Variants in THSD4 observed in about 807,000 individuals in gnomAD.
THSD4 encodes thrombospondin type 1 domain containing 4.
A neutral mutation model predicts 119.0 loss-of-function variants in THSD4; 69 were observed. The observed-to-expected ratio is 0.58, with a 90% CI of 0.48 to 0.71. The LOEUF (loss-of-function observed/expected upper bound fraction) is 0.71. THSD4 is among the 30% of genes least tolerant of loss of function. THSD4 has a pLI of 0.00. For synonymous variants in THSD4, 524 were observed against 540.4 expected, an observed-to-expected ratio of 0.97 and a Z score of 0.42; for missense variants, 1,393 against 1,391.1, an observed-to-expected ratio of 1.00 and a Z score of -0.02.
chr15:71,768,279 A>G (rs1178533447), intron 16 of THSD4, among the ~76,000 whole-genome samples: 1 of 151,824 alleles, frequency 6.6e-6, no homozygotes, highest in East Asian at 1.9e-4. Flanking sequence ...AAAAAAACCA[A>G]AAAAAAACCC....
At chr15:71,634,270 C>T (rs1036591807) in intron 7 of THSD4, among the ~76,000 whole-genome samples, 1 of 151,980 alleles carries the variant, frequency 6.6e-6, no homozygotes, top group Non-Finnish European at 1.5e-5. Context: ...GGTGGGATTG[C>T]ATAAGTAAAG....
intron 7 of THSD4, chr15:71,547,393 T>A: frequency 6.5e-7 from 1 of 1,550,322 alleles, no homozygotes; most frequent in Non-Finnish European, 8.7e-7. Context: ...CTAGGGTAGT[T>A]CTAACTTTGG....
intron 8 of THSD4, among the ~76,000 whole-genome samples, chr15:71,665,877 C>T (rs891946147): frequency 6.6e-6 from 1 of 152,114 alleles, no homozygotes; most frequent in Non-Finnish European, 1.5e-5. Flanking sequence ...TGTTTTTGTA[C>T]CAGTACCACT....
intron 6 of THSD4, among the ~76,000 whole-genome samples, chr15:71,347,985 G>T (rs991473164): frequency 7.2e-5 from 11 of 152,126 alleles, no homozygotes; most frequent in Non-Finnish European, 1.5e-4. Context: ...AATACCCATG[G>T]GTCTATCCCT....
At chr15:71,232,809 A>G (rs999163764) in intron 4 of THSD4, among the ~76,000 whole-genome samples, 3 of 152,240 alleles carry the variant, frequency 2.0e-5, no homozygotes, top group African/African-American at 7.2e-5. Flanking sequence ...TTTTCTAGGC[A>G]GAAATGAGCC....
intron 7 of THSD4, among the ~76,000 whole-genome samples, chr15:71,605,529 G>A (rs977398687): frequency 6.6e-6 from 1 of 152,216 alleles, no homozygotes; most frequent in Admixed American, 6.5e-5. Flanking sequence ...TGAGGGGGAA[G>A]ATGGCTTGGA....
At chr15:71,678,094 G>A (rs2051689831) in intron 8 of THSD4, among the ~76,000 whole-genome samples, 1 of 152,146 alleles carries the variant, frequency 6.6e-6, no homozygotes, top group Admixed American at 6.5e-5. Context: ...TTATCTGCAA[G>A]TCCAATGTGG....
intron 6 of THSD4, among the ~76,000 whole-genome samples, chr15:71,384,039 C>G (rs2046262102): frequency 6.6e-6 from 1 of 152,138 alleles, no homozygotes; most frequent in Non-Finnish European, 1.5e-5. Flanking sequence ...TGTTTCTTAG[C>G]TAAAATTACT....
intron 7 of THSD4, among the ~76,000 whole-genome samples, chr15:71,590,258 T>G (rs1374175570): frequency 7.2e-6 from 1 of 138,770 alleles, no homozygotes; most frequent in Non-Finnish European, 1.6e-5. Context: ...CAGCAGAATT[T>G]CAGAATGGCA....
intron 7 of THSD4, among the ~76,000 whole-genome samples, chr15:71,651,065 A>G (rs1259665155): frequency 3.3e-5 from 5 of 152,212 alleles, no homozygotes; most frequent in African/African-American, 7.2e-5. Context: ...ATGAGTATCA[A>G]GATCTATGCT....
intron 3 of THSD4, among the ~76,000 whole-genome samples, chr15:71,157,863 C>T (rs777169221): frequency 3.9e-5 from 6 of 151,934 alleles, no homozygotes; most frequent in Non-Finnish European, 8.8e-5. Context: ...ATATACACCA[C>T]ATTTTCTTTT....
chr15:71,714,477 A>C (rs886462445), intron 8 of THSD4, among the ~76,000 whole-genome samples: 3 of 152,208 alleles, frequency 2.0e-5, no homozygotes, highest in Non-Finnish European at 4.4e-5. Context: ...TGACTTCTAA[A>C]ATTTAAAAGC....
At chr15:71,720,114 A>G (rs942309155) in intron 8 of THSD4, among the ~76,000 whole-genome samples, 3 of 141,230 alleles carry the variant, frequency 2.1e-5, no homozygotes, top group East Asian at 2.1e-4. Flanking sequence ...GCAGTGGTAC[A>G]ATTACGGCTC....
intron 7 of THSD4, among the ~76,000 whole-genome samples, chr15:71,443,948 C>T (rs1037350054): frequency 7.9e-5 from 12 of 152,230 alleles, no homozygotes; most frequent in Non-Finnish European, 1.3e-4. Context: ...ACTGCTAAAG[C>T]ATAGGTGCTG....
chr15:71,484,012 G>C (rs1446514041), intron 7 of THSD4, among the ~76,000 whole-genome samples: 1 of 152,156 alleles, frequency 6.6e-6, no homozygotes, highest in African/African-American at 2.4e-5. Context: ...GTGAACAAGT[G>C]AGAAAATACT....
chr15:71,775,834 T>C (rs1190504793), intron 17 of THSD4, among the ~76,000 whole-genome samples: 1 of 152,212 alleles, frequency 6.6e-6, no homozygotes, highest in Non-Finnish European at 1.5e-5. Context: ...TCCTACCACA[T>C]ATCAAGGCAT....
At chr15:71,442,591 T>TAG (rs2047115126) in intron 7 of THSD4, among the ~76,000 whole-genome samples, 1 of 36,676 alleles carries the variant, frequency 2.7e-5, no homozygotes. Flanking sequence ...TATATATATA[T>TAG]ATATATATAT....
At chr15:71,771,684 T>C (rs191352425) in intron 17 of THSD4, among the ~76,000 whole-genome samples, 36 of 152,250 alleles carry the variant, frequency 2.4e-4, no homozygotes, top group African/African-American at 8.4e-4. Context: ...TCCAGAGAGA[T>C]GCAGTGACTA....
At chr15:71,337,433 G>C (rs2045502882) in intron 6 of THSD4, among the ~76,000 whole-genome samples, 1 of 152,248 alleles carries the variant, frequency 6.6e-6, no homozygotes, top group Non-Finnish European at 1.5e-5. Context: ...TTTCAGCCCA[G>C]GAGAAAAACC....
Sources: gnomAD v4.1 joint callset for allele counts (sites outside exome capture counted in the v4.1 genomes callset) on GRCh38, gnomAD v4.1.1 for gene constraint, MANE v1.5 for transcripts, NCBI Gene and HGNC (gene_info 2026-07-23, HGNC 2026-07-21) for gene names.